Variants in TUBD1 observed in about 807,000 individuals in gnomAD.
The protein encoded by TUBD1 is tubulin delta chain.
TUBD1 carries 38 observed loss-of-function variants against 51.2 expected under a neutral mutation model. That is an observed-to-expected ratio of 0.74 (90% CI 0.57 to 0.97). The LOEUF (loss-of-function observed/expected upper bound fraction) is 0.97, where lower values mean the gene tolerates loss of function less well. Ranked by LOEUF, TUBD1 falls within the 50% of genes least tolerant of loss-of-function variation. The pLI, the probability that TUBD1 is intolerant of heterozygous loss-of-function variation, is 0.00. For synonymous variants in TUBD1, 169 were observed against 178.2 expected (o/e 0.95, Z 0.41); for missense variants, 489 against 538.4 (o/e 0.91, Z 0.91).
At chr17:59,882,167 C>A (rs1354221023) in intron 3 of TUBD1, among the ~76,000 whole-genome samples, 2 of 151,900 alleles carry the variant, frequency 1.3e-5, no homozygotes, top group Non-Finnish European at 2.9e-5. Context: ...CTGCCTCAGT[C>A]TCCCAAAGCG....
chr17:59,890,429 A>C (rs923168399), intron 2 of TUBD1, among the ~76,000 whole-genome samples: 3 of 152,064 alleles, frequency 2.0e-5, no homozygotes, highest in Non-Finnish European at 4.4e-5. Flanking sequence ...TTTTTAGTAG[A>C]GATGGGGTTT....
At chr17:59,863,222 C>T (rs953151026) in intron 8 of TUBD1, among the ~76,000 whole-genome samples, 3 of 152,164 alleles carry the variant, frequency 2.0e-5, no homozygotes, top group African/African-American at 4.8e-5. Context: ...CCTGAAGTCA[C>T]GTGCCCAAGG....
At chr17:59,878,375 A>ATAATGGT in intron 4 of TUBD1, 41 bp from the exon 5 acceptor site, 1 of 1,428,438 alleles carries the variant, frequency 7.0e-7, no homozygotes, top group African/African-American at 1.4e-5. Flanking sequence ...GTAGGAGAGA[A>ATAATGGT]TAATGGTTAA....
rs530908393 is a variant in TUBD1, at chr17:59,869,261, G to A, written c.935-2512C>T. Among the ~76,000 whole-genome samples, 298 of 151,410 alleles carry A rather than the reference G, an allele frequency of 2.0e-3. 4 individuals are homozygous for A. Among genetic ancestry groups the A allele is most frequent in the South Asian group, 1.5e-3 (7 of 4,766 alleles). On this transcript the variant is annotated intron_variant, in intron 6 of 8. Transcript: ENST00000325752. Reference sequence around the variant, plus strand: ...GAGGCCAAGGCGGGCAAATCACAAGGTCAGGAGTTCAAGACCAGCCTGGCC... The same window carrying A: ...GAGGCCAAGGCGGGCAAATCACAAGATCAGGAGTTCAAGACCAGCCTGGCC...
intron 2 of TUBD1, among the ~76,000 whole-genome samples, chr17:59,886,949 C>G (rs1215406199): frequency 6.6e-6 from 1 of 151,928 alleles, no homozygotes; most frequent in Admixed American, 6.6e-5. Flanking sequence ...CTTTGGGAGG[C>G]CGAGGCGGGC....
At chr17:59,891,498 T>C (rs1249190338) in intron 1 of TUBD1, among the ~76,000 whole-genome samples, 1 of 152,182 alleles carries the variant, frequency 6.6e-6, no homozygotes, top group Non-Finnish European at 1.5e-5. Context: ...CTGTGTTGTC[T>C]AAGGAGCTAG....
At chr17:59,868,818 G>A (rs1292046) in intron 6 of TUBD1, among the ~76,000 whole-genome samples, 84,735 of 151,140 alleles carry the variant, frequency 0.56, 25,869 homozygotes, top group African/African-American at 0.81. Context: ...GCCTGGCGAC[G>A]GAGCGAGACT....
chr17:59,887,022 TA>T (rs1295138299), intron 2 of TUBD1, among the ~76,000 whole-genome samples: 1 of 150,014 alleles, frequency 6.7e-6, no homozygotes, highest in Non-Finnish European at 1.5e-5. Context: ...CCATCTCTAC[TA>T]AAAATACAAA....
At chr17:59,878,546 A>G in intron 4 of TUBD1, 1 of 485,336 alleles carries the variant, frequency 2.1e-6, no homozygotes, top group African/African-American at 2.0e-5. Context: ...GTACAGTGGC[A>G]CCATCTCTGC....
rs561956877 is a variant in TUBD1 at position 59,886,203 on chromosome 17, T to C, written c.200A>G (p.Asp67Gly). The C allele has an allele frequency of 6.2e-7, 1 of 1,612,700 alleles. No individual in the cohort carries two copies. The highest frequency in any genetic ancestry group is 1.1e-5 in the South Asian group (1 of 90,984). Residue 67 changes from aspartate to glycine, a missense_variant, in exon 3 of 9, where the codon GAC becomes GGC. Coordinates refer to ENST00000325752, the MANE Select transcript of TUBD1 (RefSeq NM_016261.4). ...TTGATTGATAACTTTGGGTTCCATG[T>C]CAACAAGAACAGCCCGGGCAATTGG... ...GVPIARAVLV[D>G]MEPKVINQML...
At chr17:59,873,974 G>C (rs573070399) in intron 6 of TUBD1, among the ~76,000 whole-genome samples, 4 of 152,226 alleles carry the variant, frequency 2.6e-5, no homozygotes, top group East Asian at 3.9e-4. Context: ...TGGATCACGA[G>C]GTCAGGAGAT....
At chr17:59,860,898 AATTT>A (rs1281831830) in intron 8 of TUBD1, among the ~76,000 whole-genome samples, 2 of 151,688 alleles carry the variant, frequency 1.3e-5, no homozygotes, top group Non-Finnish European at 2.9e-5. Flanking sequence ...GAACTTTCAA[AATTT>A]ATGTCAAGCT....
intron 3 of TUBD1, among the ~76,000 whole-genome samples, chr17:59,883,164 C>T (rs866528094): frequency 3.9e-5 from 6 of 151,992 alleles, no homozygotes; most frequent in Non-Finnish European, 7.4e-5. Flanking sequence ...GGCACAATCT[C>T]GGCTCACTGC....
intron 6 of TUBD1, among the ~76,000 whole-genome samples, chr17:59,872,646 GTA>G (rs2040034568): frequency 1.5e-5 from 2 of 132,670 alleles, no homozygotes; most frequent in Non-Finnish European, 3.2e-5. Context: ...GTATGTGTGA[GTA>G]TGTGTGTGAG....
In TUBD1 at chr17:59,888,695, G is replaced by A. The variant is rs910296465; in HGVS notation, c.172+2136C>T. Among the ~76,000 whole-genome samples, 4 of 152,098 alleles carry A rather than the reference G, an allele frequency of 2.6e-5. No individual in the cohort carries two copies. The East Asian group carries it at 7.7e-4, about 29-fold the overall frequency. On this transcript the variant is annotated intron_variant, in intron 2 of 8. Coordinates refer to ENST00000325752, the MANE Select transcript of TUBD1 (RefSeq NM_016261.4). Reference sequence around the variant, plus strand: ...GAGAAGAAAAGTGGGGTGACTAGGAGAAGGAGGTTCAAGGAGAGAGTTGTT... The same window carrying A: ...GAGAAGAAAAGTGGGGTGACTAGGAAAAGGAGGTTCAAGGAGAGAGTTGTT...
chr17:59,890,804 A>C, intron 2 of TUBD1, 27 bp downstream of exon 2: 1 of 1,580,428 alleles, frequency 6.3e-7, no homozygotes, highest in Middle Eastern at 1.7e-4. Context: ...GATCAGAGTA[A>C]AGGAGAGGAC....
chr17:59,888,177 C>T (rs971686476), intron 2 of TUBD1, among the ~76,000 whole-genome samples: 5 of 152,072 alleles, frequency 3.3e-5, no homozygotes, highest in South Asian at 2.1e-4. Flanking sequence ...CCTCATGATT[C>T]GCCCGCCTCG....
At chr17:59,869,081 T>C (rs1172304920) in intron 6 of TUBD1, among the ~76,000 whole-genome samples, 2 of 151,786 alleles carry the variant, frequency 1.3e-5, no homozygotes, top group Middle Eastern at 3.2e-3. Context: ...TAAAACTAGA[T>C]CCTTCAACCT....
At chr17:59,869,460 G>C (rs914057954) in intron 6 of TUBD1, among the ~76,000 whole-genome samples, 3 of 150,944 alleles carry the variant, frequency 2.0e-5, no homozygotes, top group Non-Finnish European at 4.4e-5. Context: ...GGGTGACAGA[G>C]CAAGATTCTG....
Sources: allele counts gnomAD v4.1 joint callset (sites outside exome capture counted in the v4.1 genomes callset), GRCh38; gene constraint gnomAD v4.1.1; transcripts MANE v1.5; gene names NCBI Gene and HGNC (gene_info 2026-07-23, HGNC 2026-07-21).